SCN11A: variants seen among roughly 807,000 people sequenced by gnomAD.
The protein encoded by SCN11A is sodium channel protein type 11 subunit alpha.
In SCN11A, 122 loss-of-function variants were observed where a neutral mutation model predicts 162.2. The ratio of observed to expected loss-of-function variants is 0.75; its 90% confidence interval spans 0.65 to 0.87. The LOEUF (loss-of-function observed/expected upper bound fraction) is 0.87, where lower values mean the gene tolerates loss of function less well. Ranked by LOEUF, SCN11A falls within the 40% of genes least tolerant of loss-of-function variation. The pLI is 0.00. For missense variants in SCN11A, 2,015 were observed against 2,181.6 expected (o/e 0.92, Z 1.52); for synonymous variants, 758 against 751.5 (o/e 1.01, Z -0.14).
intron 2 of SCN11A, among the ~76,000 whole-genome samples, chr3:39,023,449 C>T: frequency 6.6e-6 from 1 of 151,996 alleles, no homozygotes; most frequent in Non-Finnish European, 1.5e-5. Flanking sequence ...TATTTCTATT[C>T]ATTTCTATTT....
chr3:38,937,427 T>G (rs13089819), intron 7 of SCN11A, among the ~76,000 whole-genome samples: 66,260 of 145,418 alleles, frequency 0.46, 17,903 homozygotes, highest in African/African-American at 0.77. Context: ...CCGTCAGAGT[T>G]AACAGGCAAC....
intron 17 of SCN11A, among the ~76,000 whole-genome samples, chr3:38,898,774 G>T (rs2065647736): frequency 6.6e-6 from 1 of 152,020 alleles, no homozygotes; most frequent in South Asian, 2.1e-4. Flanking sequence ...TGGAAATGTT[G>T]CAGGTCAGTA....
At chr3:38,937,930 C>A (rs1170579745) in intron 7 of SCN11A, among the ~76,000 whole-genome samples, 1 of 152,176 alleles carries the variant, frequency 6.6e-6, no homozygotes, top group South Asian at 2.1e-4. Flanking sequence ...CACATGCACA[C>A]GTATGTTTAT....
At chr3:38,943,777 G>A (rs896677907) in intron 7 of SCN11A, among the ~76,000 whole-genome samples, 3 of 124,596 alleles carry the variant, frequency 2.4e-5, no homozygotes, top group Admixed American at 8.9e-5. Flanking sequence ...TCACATGGAG[G>A]TAGAGAATGG....
chr3:38,976,839 C>G (rs948723616), intron 2 of SCN11A, among the ~76,000 whole-genome samples: 2 of 152,188 alleles, frequency 1.3e-5, no homozygotes, highest in African/African-American at 2.4e-5. Context: ...CGTCCCCCTA[C>G]CCAAACCCAG....
chr3:38,953,953 A>G (rs2125580390), intron 3 of SCN11A, among the ~76,000 whole-genome samples, 194 bp from the exon 4 acceptor site: 1 of 152,226 alleles, frequency 6.6e-6, no homozygotes. Flanking sequence ...CTTTTCTTCC[A>G]GGGCCAGAAC....
chr3:38,959,671 G>A (rs1488293868), intron 3 of SCN11A, among the ~76,000 whole-genome samples: 2 of 152,138 alleles, frequency 1.3e-5, no homozygotes. Flanking sequence ...TTCATTTTAG[G>A]TGTAACCTGA....
chr3:39,048,292 A>C (rs1260708764), intron 1 of SCN11A, among the ~76,000 whole-genome samples: 1 of 152,230 alleles, frequency 6.6e-6, no homozygotes, highest in African/African-American at 2.4e-5. Flanking sequence ...GCATGTTCTC[A>C]CCAATATGTG....
At chr3:38,849,700 T>C (rs1250741394) in intron 29 of SCN11A, 2 of 152,230 alleles carry the variant, frequency 1.3e-5, no homozygotes, top group Non-Finnish European at 2.9e-5. Flanking sequence ...GGTTTAGCCA[T>C]GAAGAATTTA....
At chr3:38,926,169 G>A (rs1463877631) in intron 8 of SCN11A, among the ~76,000 whole-genome samples, 2 of 152,178 alleles carry the variant, frequency 1.3e-5, no homozygotes, top group Non-Finnish European at 2.9e-5. Context: ...TCATCATTCA[G>A]ATTCCAAATC....
chr3:39,046,859 T>C (rs1355622710), intron 1 of SCN11A, among the ~76,000 whole-genome samples: 1 of 152,148 alleles, frequency 6.6e-6, no homozygotes, highest in Non-Finnish European at 1.5e-5. Flanking sequence ...TAGCTAGGAC[T>C]ACAGGCATGC....
rs1435353582 is a variant in SCN11A, at chr3:38,896,789, T to C, written c.2403+56A>G. 2.0e-5 allele frequency: 28 copies of C among 1,392,686 alleles called. No individual in the cohort carries two copies. In the East Asian group the frequency reaches 6.4e-4, roughly 32 times the overall value. The allele number at this position is 1,392,686 out of a possible 1,614,324, so 86.3% of individuals were successfully genotyped here. A position where few individuals can be genotyped will look rare whatever the true frequency, so the allele number is the denominator to read the frequency against. On this transcript the variant is annotated intron_variant, in intron 18 of 29. Transcript: ENST00000302328. ...AAAGTTTTGCAAATGAAGTAATGCA[T>C]TTGAGAGGCATGTAGGATCTTTTTT...
At chr3:39,025,598 G>A (rs994071475) in intron 2 of SCN11A, among the ~76,000 whole-genome samples, 3 of 152,218 alleles carry the variant, frequency 2.0e-5, no homozygotes, top group South Asian at 2.1e-4. Flanking sequence ...CTGTCATGGC[G>A]CTGGTGGGAG....
chr3:39,030,500 T>A (rs1016860246), intron 2 of SCN11A, among the ~76,000 whole-genome samples: 1 of 152,200 alleles, frequency 6.6e-6, no homozygotes, highest in African/African-American at 2.4e-5. Flanking sequence ...CTGGGATACA[T>A]GAGTGACTTT....
intron 19 of SCN11A, among the ~76,000 whole-genome samples, chr3:38,890,083 T>G (rs1036681253): frequency 6.6e-6 from 1 of 152,032 alleles, no homozygotes; most frequent in African/African-American, 2.4e-5. Flanking sequence ...GTTGGCTCCC[T>G]TTTTCCATCT....
chr3:38,847,852 G>T, intron 29 of SCN11A, 110 bp from the exon 30 acceptor site: 1 of 619,282 alleles, frequency 1.6e-6, no homozygotes, highest in East Asian at 2.7e-5. Flanking sequence ...TCAATACTTT[G>T]TAGCTTATGT....
At chr3:38,962,459 GT>G (rs2066747768) in intron 2 of SCN11A, among the ~76,000 whole-genome samples, 2 of 152,266 alleles carry the variant, frequency 1.3e-5, no homozygotes, top group East Asian at 3.9e-4. Context: ...GCTTTTGGCA[GT>G]ATGGTCATTT....
chr3:39,006,576 GA>G (rs778434308), intron 2 of SCN11A, among the ~76,000 whole-genome samples: 10 of 145,220 alleles, frequency 6.9e-5, no homozygotes, highest in Non-Finnish European at 1.1e-4. Flanking sequence ...CTGAAAGAAG[GA>G]AAAAAAAAAG....
rs2065375163 is a variant in SCN11A at position 38,885,231 on chromosome 3, G to T, written c.3064+57C>A. ...ACTAAAACCACAGAGCTTCAAAGAA[G>T]AACAGAAACCCCATCCAAAGATTCT... On this transcript the variant is annotated intron_variant, in intron 21 of 29. Coordinates refer to ENST00000302328, the MANE Select transcript of SCN11A (RefSeq NM_001349253.2). 5 of 999,226 alleles carry T rather than the reference G, an allele frequency of 5.0e-6. No individual in the cohort carries two copies. The South Asian group carries it at 5.2e-5, about 10-fold the overall frequency. 61.9% of individuals were successfully genotyped at this position (999,226 alleles called of 1,614,324 possible).
Sources: gnomAD v4.1 joint callset for allele counts (sites outside exome capture counted in the v4.1 genomes callset) on GRCh38, gnomAD v4.1.1 for gene constraint, MANE v1.5 for transcripts, NCBI Gene and HGNC (gene_info 2026-07-23, HGNC 2026-07-21) for gene names.